Variants in PLA2G7 observed in about 807,000 individuals in gnomAD.
PLA2G7 encodes the protein platelet-activating factor acetylhydrolase.
Under a neutral mutation model 49.6 loss-of-function variants are expected in PLA2G7, and 63 were observed. That is an observed-to-expected ratio of 1.27 (90% CI 1.04 to 1.57). The LOEUF (loss-of-function observed/expected upper bound fraction) is 1.57, where lower values mean the gene tolerates loss of function less well. PLA2G7 is among the 40% of genes most tolerant of loss of function. PLA2G7 has a pLI of 0.00. For missense variants in PLA2G7, 596 were observed against 521.2 expected (o/e 1.14, Z -1.40); for synonymous variants, 193 against 169.9 (o/e 1.14, Z -1.06).
intron 1 of PLA2G7, among the ~76,000 whole-genome samples, chr6:46,732,089 C>T (rs1765751255): frequency 6.6e-6 from 1 of 152,152 alleles, no homozygotes; most frequent in Non-Finnish European, 1.5e-5. Context: ...AAATGTTTCC[C>T]TTGGCCTATG....
At chr6:46,734,559 A>G (rs13215427) in intron 1 of PLA2G7, among the ~76,000 whole-genome samples, 2 of 151,474 alleles carry the variant, frequency 1.3e-5, no homozygotes, top group Admixed American at 1.3e-4. Flanking sequence ...GCGGTGGCTC[A>G]TGCCTGTAAT....
chr6:46,716,925 G>T (rs199733979), intron 3 of PLA2G7, 50 bp downstream of exon 3: 2 of 1,583,434 alleles, frequency 1.3e-6, no homozygotes, highest in South Asian at 2.2e-5. Context: ...GGTCCATAGC[G>T]ACAGACAATA....
intron 1 of PLA2G7, among the ~76,000 whole-genome samples, chr6:46,724,894 G>A (rs1012162335): frequency 6.6e-6 from 1 of 152,204 alleles, no homozygotes; most frequent in Non-Finnish European, 1.5e-5. Context: ...CAGATCTGCA[G>A]TCATTCAATC....
At position 46,716,372 on chromosome 6, in the gene PLA2G7, C is replaced by CCAA; in HGVS notation, c.376+11_376+12insTTG. ...GCAAGAGCCTACAAAGAAGGATCAA[C>CCAA]AGAAATCTTACCAAAGAGTAACCTC... is the stretch of plus-strand genomic sequence containing the variant. On this transcript the variant is annotated intron_variant, in intron 4 of 11. Coordinates refer to ENST00000274793, the MANE Select transcript of PLA2G7 (RefSeq NM_005084.4). 2 of 1,613,934 alleles carry CCAA rather than the reference C, an allele frequency of 1.2e-6. No individual in the cohort carries two copies. The highest frequency in any genetic ancestry group is 1.7e-6 in the Non-Finnish European group (2 of 1,179,840).
At chr6:46,711,348 C>T in intron 7 of PLA2G7, 148 bp downstream of exon 7, 1 of 920,286 alleles carries the variant, frequency 1.1e-6, no homozygotes, top group African/African-American at 1.6e-5. Context: ...AATTTTACTG[C>T]TCCAGGAATC....
intron 4 of PLA2G7, 36 bp downstream of exon 4, chr6:46,716,348 C>T (rs1334603884): frequency 6.2e-7 from 1 of 1,610,886 alleles, no homozygotes; most frequent in Admixed American, 1.7e-5. Context: ...TTCATACATG[C>T]AAGAGCCTAC....
At position 46,715,706 on chromosome 6, in the gene PLA2G7, C is replaced by A. The variant is rs188271864; in HGVS notation, c.376+678G>T. 3.0e-4 allele frequency among the ~76,000 whole-genome samples: 46 copies of A among 152,190 alleles called. No individual in the cohort carries two copies. The East Asian group carries it at 8.5e-3, about 28-fold the overall frequency. On this transcript the variant is annotated intron_variant, in intron 4 of 11. Coordinates refer to ENST00000274793, the MANE Select transcript of PLA2G7 (RefSeq NM_005084.4). ...ATGCAGAGTTATGCTATTTTCATGTCTGTTATAAGTGGTTTTTAAGAAAAT... is the reference window on the plus strand; with the variant it reads ...ATGCAGAGTTATGCTATTTTCATGTATGTTATAAGTGGTTTTTAAGAAAAT...
intron 10 of PLA2G7, 110 bp downstream of exon 10, chr6:46,707,881 G>C: frequency 1.5e-6 from 1 of 685,396 alleles, no homozygotes; most frequent in Non-Finnish European, 2.5e-6. Context: ...CTTATTGAAA[G>C]TCTAAACAAC....
Position 46,712,297 on chromosome 6 carries a change from C to A in PLA2G7, c.511G>T (p.Gly171Trp). The A allele has an allele frequency of 6.2e-7, 1 of 1,612,792 alleles. No homozygotes were observed. Among genetic ancestry groups the A allele is most frequent in the South Asian group, 1.1e-5 (1 of 91,058 alleles). ...SAIGIDLASH[G>W]FIVAAVEHRD... ...TGTTCTACAGCAGCAACTATAAACC[C>A]ATGAGATGCCAGGTCAATGCCAATA... Residue 171 changes from glycine (G) to tryptophan (W), a missense_variant, in exon 6 of 12, where the codon GGG (glycine) becomes TGG (tryptophan). Transcript: ENST00000274793.
Position 46,721,647 on chromosome 6 carries a change from T to C in PLA2G7, c.109+1136A>G, listed in dbSNP as rs45505597. Among the ~76,000 whole-genome samples, 510 of 150,432 alleles carry C rather than the reference T, an allele frequency of 3.4e-3. 2 individuals carry two copies. The highest frequency in any genetic ancestry group is 0.012 in the African/African-American group (484 of 40,840). ...AATGTCATCTAGGATGCAGGACCCT[T>C]GAATTTGACTACACATTTATTGTCT... On this transcript the variant is annotated intron_variant, in intron 2 of 11. Coordinates refer to ENST00000274793, the MANE Select transcript of PLA2G7 (RefSeq NM_005084.4).
chr6:46,705,115 T>G, intron 11 of PLA2G7, 38 bp downstream of exon 11: 3 of 1,465,098 alleles, frequency 2.0e-6, no homozygotes. Context: ...TGTCCTGAGA[T>G]TCATCTGGTT....
intron 2 of PLA2G7, among the ~76,000 whole-genome samples, chr6:46,717,709 CTTTTTCTTTTT>C (rs1226525631): frequency 5.2e-5 from 6 of 116,204 alleles, no homozygotes; most frequent in African/African-American, 1.9e-4. Flanking sequence ...TTTCTTTTTT[CTTTTTCTTTTT>C]TTTTTTTTTT....
intron 10 of PLA2G7, among the ~76,000 whole-genome samples, chr6:46,707,243 A>G (rs2150691544): frequency 6.6e-6 from 1 of 152,292 alleles, no homozygotes; most frequent in African/African-American, 2.4e-5. Context: ...TTCTTTAAAG[A>G]GTTCCTACCC....
chr6:46,710,487 A>T lies in PLA2G7; in HGVS notation c.777+58T>A, dbSNP rs541758712. ...ACCTTGCAATATAGCAGAAAATTAA[A>T]TGACAAAAAACAATAAAGAACTGTA... On this transcript the variant is annotated intron_variant, in intron 8 of 11. Coordinates refer to ENST00000274793, the MANE Select transcript of PLA2G7 (RefSeq NM_005084.4). 3 of 1,145,520 alleles carry T rather than the reference A, an allele frequency of 2.6e-6. No homozygotes were observed. The Admixed American group carries it at 5.1e-5, about 19-fold the overall frequency. The allele number at this position is 1,145,520 out of a possible 1,614,324, so 71.0% of individuals were successfully genotyped here. A position where few individuals can be genotyped will look rare whatever the true frequency, so the allele number is the denominator to read the frequency against.
rs1035304953 is a variant in PLA2G7 at position 46,735,317 on chromosome 6, C to G, written c.-172G>C. 11 of 152,482 alleles carry G rather than the reference C, an allele frequency of 7.2e-5. No homozygotes were observed. The highest frequency in any genetic ancestry group is 2.7e-4 in the African/African-American group (11 of 41,474). The allele number at this position is 152,482 out of a possible 1,614,324, so 9.4% of individuals were successfully genotyped here. A position where few individuals can be genotyped will look rare whatever the true frequency, so the allele number is the denominator to read the frequency against. ...GAGCCTCCGACCAGCCGCTGTCCCC[C>G]TGGCTGCGGGCCGAGCAGCTCTGGC... On this transcript the variant is annotated 5_prime_UTR_variant, in exon 1 of 12. Transcript: ENST00000274793.
chr6:46,722,920 A>G lies in PLA2G7; in HGVS notation c.-29T>C. The G allele has an allele frequency of 5.5e-6, 7 of 1,281,314 alleles. No homozygotes were observed. The highest frequency in any genetic ancestry group is 8.0e-6 in the Non-Finnish European group (7 of 877,970). The allele number at this position is 1,281,314 out of a possible 1,614,324, so 79.4% of individuals were successfully genotyped here. On this transcript the variant is annotated 5_prime_UTR_variant, in exon 2 of 12. Coordinates refer to ENST00000274793, the MANE Select transcript of PLA2G7 (RefSeq NM_005084.4). Reference sequence around the variant, plus strand: ...GGGAGCTGAGCAGCAGTTTCAGCTTAGTCTCCTTCGAAGCAGATGATTAAA... The same window carrying G: ...GGGAGCTGAGCAGCAGTTTCAGCTTGGTCTCCTTCGAAGCAGATGATTAAA...
intron 7 of PLA2G7, 25 bp downstream of exon 7, chr6:46,711,471 C>T: frequency 6.2e-7 from 1 of 1,612,740 alleles, no homozygotes; most frequent in Non-Finnish European, 8.5e-7. Context: ...GGTCACCAAC[C>T]ACCTCTCCTT....
intron 2 of PLA2G7, among the ~76,000 whole-genome samples, chr6:46,717,709 C>CTTTTTTTTTT (rs760308042): frequency 3.8e-4 from 44 of 116,184 alleles, no homozygotes; most frequent in East Asian, 9.0e-4. Context: ...TTTCTTTTTT[C>CTTTTTTTTTT]TTTTTCTTTT....
chr6:46,719,419 G>A (rs1306459351), intron 2 of PLA2G7, among the ~76,000 whole-genome samples: 2 of 152,112 alleles, frequency 1.3e-5, no homozygotes, highest in Non-Finnish European at 1.5e-5. Flanking sequence ...CAGGCTCCTG[G>A]ACTTCACCAC....
Sources: gnomAD v4.1 joint callset for allele counts (sites outside exome capture counted in the v4.1 genomes callset) on GRCh38, gnomAD v4.1.1 for gene constraint, MANE v1.5 for transcripts, NCBI Gene and HGNC (gene_info 2026-07-23, HGNC 2026-07-21) for gene names.